Variants in C8orf74 observed in about 807,000 individuals in gnomAD.
C8orf74 encodes chromosome 8 open reading frame 74, also known as uncharacterized protein C8orf74.
C8orf74 carries 29 observed loss-of-function variants against 22.2 expected under a neutral mutation model. The observed-to-expected ratio is 1.31, with a 90% CI of 0.97 to 1.78. The LOEUF (loss-of-function observed/expected upper bound fraction) is 1.78. C8orf74 is among the 40% of genes most tolerant of loss of function. The pLI, the probability that C8orf74 is intolerant of heterozygous loss-of-function variation, is 0.00. For missense variants in C8orf74, 515 were observed against 369.9 expected (o/e 1.39, Z -3.22); for synonymous variants, 255 against 163.1 (o/e 1.56, Z -4.30).
chr8:10,679,388 A>G (rs10096085), intron 2 of C8orf74, among the ~76,000 whole-genome samples: 2,831 of 152,228 alleles, frequency 0.019, 65 homozygotes, highest in African/African-American at 0.059. Context: ...TCGCTCGTGG[A>G]AATCACAGCC....
chr8:10,686,561 A>T (rs1346510463), intron 2 of C8orf74: 1 of 153,120 alleles, frequency 6.5e-6, no homozygotes, highest in Non-Finnish European at 1.5e-5. Context: ...ACAAGAATCT[A>T]GACTTGGGTC....
chr8:10,688,788 A>C (rs1799315331), intron 2 of C8orf74: 1 of 152,400 alleles, frequency 6.6e-6, no homozygotes, highest in South Asian at 2.1e-4. Context: ...CTCTCCCTGC[A>C]GTTTACCAGG....
intron 2 of C8orf74, among the ~76,000 whole-genome samples, chr8:10,696,303 C>T (rs1036498311): frequency 6.6e-6 from 1 of 152,112 alleles, no homozygotes; most frequent in Non-Finnish European, 1.5e-5. Flanking sequence ...TGGTGCTGCC[C>T]TCAGAGCCAA....
rs1482009133 is a variant in C8orf74, at chr8:10,678,183, C to T, written c.241+3345C>T. 2.0e-5 allele frequency among the ~76,000 whole-genome samples: 3 copies of T among 152,214 alleles called. No homozygotes were observed. In the East Asian group the frequency reaches 5.8e-4, roughly 29 times the overall value. On this transcript the variant is annotated intron_variant, in intron 2 of 3. Transcript: ENST00000304519. ...GGGGGTCCAGAGGGAAAATTCAGGTCTTACCTGGCCCTTTACTGGGTGCGT... is the reference window on the plus strand; with the variant it reads ...GGGGGTCCAGAGGGAAAATTCAGGTTTTACCTGGCCCTTTACTGGGTGCGT...
At chr8:10,693,759 C>T (rs1056909734) in intron 2 of C8orf74, among the ~76,000 whole-genome samples, 1 of 152,206 alleles carries the variant, frequency 6.6e-6, no homozygotes, top group African/African-American at 2.4e-5. Flanking sequence ...GGGGTTGTGC[C>T]AGTTTCTGTC....
intron 3 of C8orf74, among the ~76,000 whole-genome samples, chr8:10,698,901 CCACACACA>C (rs59324425): frequency 0.021 from 2,919 of 137,612 alleles, 108 homozygotes; most frequent in African/African-American, 0.073. Context: ...TACACACACA[CCACACACA>C]CACACACACA....
chr8:10,697,575 T>C (rs1284938015), intron 2 of C8orf74, 24 bp from the exon 3 acceptor site: 18 of 1,602,310 alleles, frequency 1.1e-5, no homozygotes, highest in Non-Finnish European at 1.4e-5. Context: ...ACTCCCACTC[T>C]GTTCTTGGCC....
chr8:10,678,203 G>T lies in C8orf74; in HGVS notation c.241+3365G>T, dbSNP rs376877623. On this transcript the variant is annotated intron_variant, in intron 2 of 3. Transcript: ENST00000304519. ...CAGGTCTTACCTGGCCCTTTACTGG[G>T]TGCGTGGTCTAGGGCAAGTCTCATC... Among the ~76,000 whole-genome samples the T allele has an allele frequency of 1.5e-4, 23 of 152,288 alleles. 2 individuals carry two copies. The East Asian group carries it at 3.9e-3, about 26-fold the overall frequency.
chr8:10,696,361 C>T (rs1482233696), intron 2 of C8orf74, among the ~76,000 whole-genome samples: 1 of 152,036 alleles, frequency 6.6e-6, no homozygotes, highest in Non-Finnish European at 1.5e-5. Context: ...CAACATGAGC[C>T]ACCAGCACAG....
intron 2 of C8orf74, among the ~76,000 whole-genome samples, chr8:10,695,380 T>C (rs1799469356): frequency 6.6e-6 from 1 of 152,078 alleles, no homozygotes; most frequent in Non-Finnish European, 1.5e-5. Flanking sequence ...TGGTTTGCCA[T>C]GACAGAAAGG....
At chr8:10,690,562 T>A (rs1266880340) in intron 2 of C8orf74, among the ~76,000 whole-genome samples, 2 of 152,296 alleles carry the variant, frequency 1.3e-5, no homozygotes, top group East Asian at 3.9e-4. Context: ...ACTTGGTTCC[T>A]GCCCCTGGGA....
Position 10,697,804 on chromosome 8 carries a change from T to C in C8orf74, c.447T>C (p.His149=), listed in dbSNP as rs773423632. ...ACCTGGAGGTGTGCATGCCACCCCA[T>C]CCCCTCCCGCTGGCCGAGGGCATGG... is the stretch of plus-strand genomic sequence containing the variant. The part of the protein sequence containing the change: ...VAHLEVCMPP[H]PLPLAEGMDR... Residue 149 remains histidine, a synonymous_variant, in exon 3 of 4, where the codon CAT becomes CAC. Transcript: ENST00000304519. The C allele has an allele frequency of 2.5e-6, 4 of 1,613,860 alleles. No individual in the cohort carries two copies. The highest frequency in any genetic ancestry group is 3.4e-6 in the Non-Finnish European group (4 of 1,179,864).
chr8:10,673,344 G>A (rs1185140870), intron 1 of C8orf74, among the ~76,000 whole-genome samples: 1 of 152,130 alleles, frequency 6.6e-6, no homozygotes, highest in Admixed American at 6.5e-5. Context: ...AGGGCCAGCT[G>A]AACTCTCAAG....
At chr8:10,690,683 T>A (rs1227595730) in intron 2 of C8orf74, among the ~76,000 whole-genome samples, 1 of 151,848 alleles carries the variant, frequency 6.6e-6, no homozygotes, top group East Asian at 1.9e-4. Context: ...GTGTGGCGCA[T>A]CTCCCCCCGG....
intron 2 of C8orf74, chr8:10,693,094 T>A (rs972121023): frequency 6.6e-5 from 10 of 152,320 alleles, no homozygotes; most frequent in African/African-American, 2.4e-4. Flanking sequence ...CTAGGGGCTT[T>A]GAGGGCCTGG....
rs1484339476 is a variant in C8orf74, at chr8:10,700,564, T to C, written c.*93T>C. The C allele has an allele frequency of 1.1e-5, 8 of 744,952 alleles. No homozygotes were observed. The highest frequency in any genetic ancestry group is 1.7e-5 in the Non-Finnish European group (8 of 467,316). The allele number at this position is 744,952 out of a possible 1,614,324, so 46.1% of individuals were successfully genotyped here. On this transcript the variant is annotated 3_prime_UTR_variant, in exon 4 of 4. Coordinates refer to ENST00000304519, the MANE Select transcript of C8orf74 (RefSeq NM_001040032.2). ...GTGAGCTCAGCACCCACAGAGAGAC[T>C]TCTTGTGATTAAAAGAAACAAACCC...
At chr8:10,683,940 C>T (rs1799208164) in intron 2 of C8orf74, among the ~76,000 whole-genome samples, 1 of 152,314 alleles carries the variant, frequency 6.6e-6, no homozygotes, top group African/African-American at 2.4e-5. Context: ...GGCCCCTGTT[C>T]TGCCCCATTC....
chr8:10,683,308 G>T (rs572744752), intron 2 of C8orf74, among the ~76,000 whole-genome samples: 2 of 152,352 alleles, frequency 1.3e-5, no homozygotes, highest in East Asian at 3.9e-4. Flanking sequence ...TGTGCCCTTT[G>T]GCTAAGGTGT....
intron 2 of C8orf74, 113 bp from the exon 3 acceptor site, chr8:10,697,486 C>T (rs1586053974): frequency 1.2e-6 from 1 of 814,274 alleles, no homozygotes; most frequent in East Asian, 2.5e-5. Context: ...TTTAAAAATG[C>T]AGTGGGGACA....
Sources: gnomAD v4.1 joint callset for allele counts (sites outside exome capture counted in the v4.1 genomes callset) on GRCh38, gnomAD v4.1.1 for gene constraint, MANE v1.5 for transcripts, NCBI Gene and HGNC (gene_info 2026-07-23, HGNC 2026-07-21) for gene names.